The following ROBO1 variants were observed in gnomAD, a reference collection of about 807,000 sequenced individuals.
ROBO1 encodes the protein roundabout guidance receptor 1.
A neutral mutation model predicts 195.9 loss-of-function variants in ROBO1; 149 were observed. The ratio of observed to expected loss-of-function variants is 0.76; its 90% CI spans 0.67 to 0.87. The LOEUF (loss-of-function observed/expected upper bound fraction) is 0.87. ROBO1 is among the 40% of genes least tolerant of loss of function. The pLI, the probability that ROBO1 is intolerant of heterozygous loss-of-function variation, is 0.00. For missense variants in ROBO1, 1,933 were observed against 2,068.3 expected, an observed-to-expected ratio of 0.93 and a Z score of 1.27; for synonymous variants, 816 against 733.2, an observed-to-expected ratio of 1.11 and a Z score of -1.82.
At chr3:79,278,537 A>G (rs895352870) in intron 2 of ROBO1, among the ~76,000 whole-genome samples, 1 of 152,216 alleles carries the variant, frequency 6.6e-6, no homozygotes, top group Non-Finnish European at 1.5e-5. Context: ...ATTAATCTAA[A>G]AATCTACAGT....
chr3:79,515,659 T>TAA (rs1370293701), intron 2 of ROBO1, among the ~76,000 whole-genome samples: 1 of 152,250 alleles, frequency 6.6e-6, no homozygotes, highest in Non-Finnish European at 1.5e-5. Context: ...ACAATTTATA[T>TAA]GTTCAAAACA....
At chr3:79,648,822 G>A (rs557900911) in intron 1 of ROBO1, among the ~76,000 whole-genome samples, 1 of 152,018 alleles carries the variant, frequency 6.6e-6, no homozygotes, top group Non-Finnish European at 1.5e-5. Context: ...TCTCTTAAAA[G>A]TAACTAGAGA....
chr3:79,641,843 C>A (rs1381018119), intron 1 of ROBO1, among the ~76,000 whole-genome samples: 1 of 151,874 alleles, frequency 6.6e-6, no homozygotes, highest in Non-Finnish European at 1.5e-5. Context: ...CATGGTGAAA[C>A]CCCATCTCTA....
chr3:78,948,625 C>T (rs1576452479), intron 3 of ROBO1, among the ~76,000 whole-genome samples: 1 of 152,184 alleles, frequency 6.6e-6, no homozygotes, highest in African/African-American at 2.4e-5. Flanking sequence ...TGCCCTCTCT[C>T]ACTACTCCTA....
intron 5 of ROBO1, 124 bp from the exon 6 acceptor site, chr3:78,718,007 C>CAAATACTACATATCAGCTGT: frequency 1.1e-6 from 1 of 889,232 alleles, no homozygotes; most frequent in Non-Finnish European, 1.7e-6. Context: ...ACATCAACAG[C>CAAATACTACATATCAGCTGT]TGATATGTAG....
At chr3:79,763,554 G>C (rs1465821562) in intron 1 of ROBO1, among the ~76,000 whole-genome samples, 1 of 152,090 alleles carries the variant, frequency 6.6e-6, no homozygotes, top group Non-Finnish European at 1.5e-5. Context: ...GATTAGAGAA[G>C]ACACGTGTGC....
intron 3 of ROBO1, among the ~76,000 whole-genome samples, chr3:79,052,659 CT>C (rs753812383): frequency 6.6e-6 from 1 of 152,056 alleles, no homozygotes; most frequent in Non-Finnish European, 1.5e-5. Flanking sequence ...CTTTTGTGCT[CT>C]TTCTCTTTAT....
intron 4 of ROBO1, among the ~76,000 whole-genome samples, chr3:78,869,907 T>C (rs1369876418): frequency 6.6e-6 from 1 of 152,212 alleles, no homozygotes; most frequent in African/African-American, 2.4e-5. Context: ...CTAGAAATTA[T>C]TGGTGATTGT....
intron 2 of ROBO1, among the ~76,000 whole-genome samples, chr3:79,332,035 G>C (rs2034460852): frequency 6.6e-6 from 1 of 151,826 alleles, no homozygotes; most frequent in Non-Finnish European, 1.5e-5. Context: ...CCCAGGTGCT[G>C]GGAAGGCTGA....
chr3:79,414,607 G>A (rs4411849), intron 2 of ROBO1, among the ~76,000 whole-genome samples: 10,122 of 151,974 alleles, frequency 0.067, 403 homozygotes, highest in East Asian at 0.14. Context: ...TTTAATTTGA[G>A]ATAATCATAA....
At position 79,418,163 on chromosome 3, in the gene ROBO1, T is replaced by G. The variant is rs76390801; in HGVS notation, c.88+171661A>C. On this transcript the variant is annotated intron_variant, in intron 2 of 30. Coordinates refer to ENST00000464233, the MANE Select transcript of ROBO1 (RefSeq NM_002941.4). ...GTGTTTTTACCATTTTTACTTTCTC[T>G]AAGAAGCTCTGTATTTATCTCTGGT... 3.7e-4 allele frequency among the ~76,000 whole-genome samples: 57 copies of G among 152,308 alleles called. No homozygotes were observed. In the East Asian group the frequency reaches 0.01, roughly 27 times the overall value.
chr3:79,402,003 T>C (rs2037384002), intron 2 of ROBO1, among the ~76,000 whole-genome samples: 1 of 151,882 alleles, frequency 6.6e-6, no homozygotes, highest in Non-Finnish European at 1.5e-5. Flanking sequence ...GCTTACTAAT[T>C]TAAATTTGTT....
At chr3:79,471,371 T>C (rs1177201358) in intron 2 of ROBO1, among the ~76,000 whole-genome samples, 1 of 152,114 alleles carries the variant, frequency 6.6e-6, no homozygotes, top group Non-Finnish European at 1.5e-5. Context: ...AGACAACCTA[T>C]AAAACAGGAA....
chr3:79,236,287 T>G (rs2082405862), intron 2 of ROBO1, among the ~76,000 whole-genome samples: 1 of 152,170 alleles, frequency 6.6e-6, no homozygotes, highest in Non-Finnish European at 1.5e-5. Flanking sequence ...CTACTTGCTC[T>G]GTCCATTTCC....
intron 2 of ROBO1, among the ~76,000 whole-genome samples, chr3:79,144,234 T>A (rs1462509230): frequency 6.6e-6 from 1 of 152,060 alleles, no homozygotes; most frequent in East Asian, 1.9e-4. Flanking sequence ...TGGTAATCAA[T>A]ATTTAGTATT....
chr3:79,681,381 A>G (rs559870805), intron 1 of ROBO1, among the ~76,000 whole-genome samples: 1 of 152,128 alleles, frequency 6.6e-6, no homozygotes, highest in East Asian at 1.9e-4. Context: ...ACTAGAAAAT[A>G]TAAAGAGCTT....
At chr3:79,614,123 C>T (rs896449708) in intron 1 of ROBO1, among the ~76,000 whole-genome samples, 1 of 151,918 alleles carries the variant, frequency 6.6e-6, no homozygotes, top group Non-Finnish European at 1.5e-5. Context: ...ATACAGAAAA[C>T]CTAAACTACA....
chr3:78,752,545 C>A (rs2082823821), intron 4 of ROBO1, among the ~76,000 whole-genome samples: 1 of 152,096 alleles, frequency 6.6e-6, no homozygotes, highest in African/African-American at 2.4e-5. Context: ...TAGCTGACAG[C>A]ACTGCCCAGA....
intron 3 of ROBO1, among the ~76,000 whole-genome samples, chr3:79,118,131 G>A (rs1401374641): frequency 6.6e-6 from 1 of 152,042 alleles, no homozygotes; most frequent in Non-Finnish European, 1.5e-5. Flanking sequence ...ACAGGTACGA[G>A]TCTTACTAGG....
Sources: gnomAD v4.1 joint callset for allele counts (sites outside exome capture counted in the v4.1 genomes callset) on GRCh38, gnomAD v4.1.1 for gene constraint, MANE v1.5 for transcripts, NCBI Gene and HGNC (gene_info 2026-07-23, HGNC 2026-07-21) for gene names.